SPOCK1: variants seen among roughly 807,000 people sequenced by gnomAD.
The protein encoded by SPOCK1 is testican-1.
SPOCK1 carries 23 observed loss-of-function variants against 55.3 expected under a neutral mutation model. The ratio of observed to expected loss-of-function variants is 0.42; its 90% CI spans 0.30 to 0.59. SPOCK1 has a LOEUF of 0.59. Among genes scored for constraint, SPOCK1 ranks in the 20% least tolerant of loss-of-function variants. SPOCK1 has a pLI of 0.22. For synonymous variants in SPOCK1, 226 were observed against 221.0 expected (o/e 1.02, Z -0.20); for missense variants, 499 against 552.5 (o/e 0.90, Z 0.97).
intron 2 of SPOCK1, among the ~76,000 whole-genome samples, chr5:137,380,975 C>A (rs1751451762): frequency 6.6e-6 from 1 of 152,064 alleles, no homozygotes; most frequent in Non-Finnish European, 1.5e-5. Flanking sequence ...GATCATCTCC[C>A]ACTAAGAGCC....
At chr5:137,182,336 T>C (rs556219121) in intron 3 of SPOCK1, among the ~76,000 whole-genome samples, 20 of 152,302 alleles carry the variant, frequency 1.3e-4, no homozygotes, top group African/African-American at 4.8e-4. Context: ...TGAAACGCCC[T>C]TCCCCAGGCT....
chr5:137,487,679 A>G (rs538972164), intron 2 of SPOCK1, among the ~76,000 whole-genome samples: 1 of 152,342 alleles, frequency 6.6e-6, no homozygotes, highest in African/African-American at 2.4e-5. Flanking sequence ...AGCCTTTTGG[A>G]GACAAATATG....
At chr5:137,013,116 C>G (rs1178703888) in intron 6 of SPOCK1, among the ~76,000 whole-genome samples, 1 of 152,130 alleles carries the variant, frequency 6.6e-6, no homozygotes, top group East Asian at 1.9e-4. Flanking sequence ...TAACAGTGGT[C>G]TCTGACATGA....
At chr5:137,274,180 C>T (rs954937632) in intron 2 of SPOCK1, among the ~76,000 whole-genome samples, 8 of 152,190 alleles carry the variant, frequency 5.3e-5, no homozygotes, top group Non-Finnish European at 8.8e-5. Context: ...CTGGCCAAGA[C>T]ATGTGTTGTC....
At chr5:137,283,015 C>T (rs969545121) in intron 2 of SPOCK1, among the ~76,000 whole-genome samples, 21 of 152,352 alleles carry the variant, frequency 1.4e-4, no homozygotes, top group African/African-American at 5.0e-4. Context: ...TGCAAGTGTG[C>T]AGTGCAGATG....
chr5:137,277,090 C>T (rs1357708492), intron 2 of SPOCK1, among the ~76,000 whole-genome samples: 1 of 152,112 alleles, frequency 6.6e-6, no homozygotes, highest in East Asian at 1.9e-4. Context: ...TTGTAGGTCA[C>T]TGTAACCTGG....
intron 2 of SPOCK1, among the ~76,000 whole-genome samples, chr5:137,327,364 A>C (rs1758099152): frequency 6.6e-6 from 1 of 152,256 alleles, no homozygotes; most frequent in African/African-American, 2.4e-5. Flanking sequence ...GATATAAAAA[A>C]TACAGGTTTA....
chr5:137,194,770 C>G (rs755864064), intron 3 of SPOCK1, among the ~76,000 whole-genome samples: 1 of 152,148 alleles, frequency 6.6e-6, no homozygotes, highest in Admixed American at 6.5e-5. Context: ...TGAGCACTCT[C>G]CTCTCCAGGT....
At chr5:137,079,538 C>A (rs76934811) in intron 5 of SPOCK1, among the ~76,000 whole-genome samples, 28 of 101,788 alleles carry the variant, frequency 2.8e-4, no homozygotes, top group East Asian at 1.7e-3. Flanking sequence ...CTGATTCCCC[C>A]CCCCCCCGAC....
intron 2 of SPOCK1, among the ~76,000 whole-genome samples, chr5:137,410,148 C>T (rs1198435130): frequency 2.0e-5 from 3 of 152,238 alleles, no homozygotes; most frequent in Non-Finnish European, 2.9e-5. Flanking sequence ...TCTTTGCAAG[C>T]CTTCCCATTT....
intron 2 of SPOCK1, among the ~76,000 whole-genome samples, chr5:137,435,241 T>C (rs1319232942): frequency 6.6e-6 from 1 of 152,250 alleles, no homozygotes; most frequent in African/African-American, 2.4e-5. Flanking sequence ...GATAAACCTA[T>C]GGTTGCATCT....
At chr5:137,414,735 A>G (rs893046147) in intron 2 of SPOCK1, among the ~76,000 whole-genome samples, 16 of 152,222 alleles carry the variant, frequency 1.1e-4, no homozygotes, top group Admixed American at 9.8e-4. Context: ...TCCTGAAATA[A>G]GCACTCTGTG....
At chr5:137,145,996 C>G (rs982593615) in intron 3 of SPOCK1, among the ~76,000 whole-genome samples, 1 of 152,186 alleles carries the variant, frequency 6.6e-6, no homozygotes, top group Non-Finnish European at 1.5e-5. Context: ...AGGGACCATG[C>G]TGGGGAGCCA....
chr5:137,042,096 T>C (rs1752011688), intron 6 of SPOCK1, among the ~76,000 whole-genome samples: 1 of 151,974 alleles, frequency 6.6e-6, no homozygotes, highest in Non-Finnish European at 1.5e-5. Flanking sequence ...GAAACATCCA[T>C]ACAATGGACT....
intron 2 of SPOCK1, among the ~76,000 whole-genome samples, chr5:137,464,831 A>G (rs1156946391): frequency 1.3e-5 from 2 of 152,184 alleles, no homozygotes; most frequent in African/African-American, 4.8e-5. Flanking sequence ...GGAGACACGT[A>G]TTGGAGTGTG....
At chr5:136,986,977 G>A (rs1750853802) in intron 8 of SPOCK1, among the ~76,000 whole-genome samples, 1 of 151,946 alleles carries the variant, frequency 6.6e-6, no homozygotes, top group Non-Finnish European at 1.5e-5. Context: ...AACAGTAATG[G>A]CAGCAAAGGA....
At chr5:137,212,464 C>A (rs1212036041) in intron 3 of SPOCK1, among the ~76,000 whole-genome samples, 1 of 152,136 alleles carries the variant, frequency 6.6e-6, no homozygotes, top group African/African-American at 2.4e-5. Context: ...AACCATAATT[C>A]TTTCCAGATT....
At chr5:137,349,090 C>T (rs1005910535) in intron 2 of SPOCK1, among the ~76,000 whole-genome samples, 3 of 152,174 alleles carry the variant, frequency 2.0e-5, no homozygotes, top group African/African-American at 7.2e-5. Flanking sequence ...ATCGATAGTT[C>T]TCTGAAGAAT....
intron 6 of SPOCK1, among the ~76,000 whole-genome samples, chr5:137,061,583 C>T (rs1465930648): frequency 6.6e-6 from 1 of 152,224 alleles, no homozygotes; most frequent in Non-Finnish European, 1.5e-5. Context: ...CCTGCTCCTA[C>T]CTCCCAGCTC....
Sources: gnomAD v4.1 joint callset for allele counts (sites outside exome capture counted in the v4.1 genomes callset) on GRCh38, gnomAD v4.1.1 for gene constraint, MANE v1.5 for transcripts, NCBI Gene and HGNC (gene_info 2026-07-23, HGNC 2026-07-21) for gene names.